Variants in LAD1 observed in about 807,000 individuals in gnomAD.
LAD1 encodes ladinin 1.
A neutral mutation model predicts 54.2 loss-of-function variants in LAD1; 53 were observed. The observed-to-expected ratio is 0.98, with a 90% confidence interval of 0.78 to 1.23. LAD1 has a LOEUF of 1.23. Ranked by LOEUF, LAD1 falls within the 50% of genes most tolerant of loss-of-function variation. LAD1 has a pLI of 0.00. For synonymous variants in LAD1, 231 were observed against 257.7 expected, an observed-to-expected ratio of 0.90 and a Z score of 0.99; for missense variants, 637 against 653.3, an observed-to-expected ratio of 0.98 and a Z score of 0.27.
Position 201,386,933 on chromosome 1 carries a change from C to A in LAD1, c.428G>T (p.Arg143Leu), listed in dbSNP as rs940181453. 2 of 1,612,424 alleles carry A rather than the reference C, an allele frequency of 1.2e-6. No individual in the cohort carries two copies. Among genetic ancestry groups the A allele is most frequent in the Non-Finnish European group, 8.5e-7 (1 of 1,179,602 alleles). ...VSKKELEIPP[R>L]RRLSREQRGP... is the part of the protein sequence containing the mutation. The stretch of plus-strand genomic sequence containing the variant: ...CCGCTGTTCCCGACTCAGTCTCCGG[C>A]GAGGTGGGATTTCCAGTTCCTTCTT... The change falls in exon 3 of 10, where the codon CGC becomes CTC. Residue 143 changes from arginine (R) to leucine (L), a missense_variant. Coordinates refer to ENST00000391967, the MANE Select transcript of LAD1 (RefSeq NM_005558.4).
Position 201,383,135 on chromosome 1 carries a change from C to T in LAD1, c.1325G>A (p.Arg442His), listed in dbSNP as rs199664903. 17 of 1,614,064 alleles carry T rather than the reference C, an allele frequency of 1.1e-5. No individual in the cohort carries two copies. In the East Asian group the frequency reaches 1.3e-4, roughly 13 times the overall value. Residue 442 changes from arginine to histidine, a missense_variant, in exon 7 of 10, where the codon CGC (arginine) becomes CAC (histidine). Coordinates refer to ENST00000391967, the MANE Select transcript of LAD1 (RefSeq NM_005558.4). ...FVAPVGVASKRHLFEKELAGQ... is the reference protein window; with the variant it reads ...FVAPVGVASKHHLFEKELAGQ... ...CGCCAGTTCCTTCTCAAAGAGGTGG[C>T]GCTTGCTGGCTACACCCACAGGAGC... is the stretch of plus-strand genomic sequence containing the variant.
chr1:201,382,432 A>G (rs2102354282), intron 8 of LAD1, 106 bp from the exon 9 acceptor site: 2 of 974,096 alleles, frequency 2.1e-6, no homozygotes, highest in Non-Finnish European at 3.3e-6. Context: ...TCTCTTCCCA[A>G]AAGAGAAAAG....
At chr1:201,395,016 G>A (rs1282037275) in intron 1 of LAD1, among the ~76,000 whole-genome samples, 1 of 152,160 alleles carries the variant, frequency 6.6e-6, no homozygotes, top group Non-Finnish European at 1.5e-5. Flanking sequence ...GGGTCTCCAG[G>A]GCTCAGCTGC....
intron 1 of LAD1, among the ~76,000 whole-genome samples, chr1:201,396,876 G>A (rs1220883274): frequency 2.0e-5 from 3 of 152,152 alleles, no homozygotes; most frequent in South Asian, 2.1e-4. Flanking sequence ...GTAGGAGGGC[G>A]GCTCAAGGCC....
At chr1:201,384,627 C>G (rs146641276) in intron 5 of LAD1, 165 bp downstream of exon 5, 53 of 700,394 alleles carry the variant, frequency 7.6e-5, no homozygotes, top group African/African-American at 4.3e-4. Flanking sequence ...TGAGTTCATC[C>G]TGTTAATCCC....
At chr1:201,384,494 C>CCCTTTT (rs1471515453) in intron 5 of LAD1, among the ~76,000 whole-genome samples, 1 of 152,100 alleles carries the variant, frequency 6.6e-6, no homozygotes, top group African/African-American at 2.4e-5. Context: ...CCCAGAAAGC[C>CCCTTTT]CCCTTTCCCT....
chr1:201,394,605 A>G (rs1234421211), intron 1 of LAD1, among the ~76,000 whole-genome samples: 1 of 152,186 alleles, frequency 6.6e-6, no homozygotes, highest in African/African-American at 2.4e-5. Context: ...TTCATTCACT[A>G]CACACAAACA....
In LAD1 at chr1:201,383,060, C is replaced by T. The variant is rs1346359261; in HGVS notation, c.1386+14G>A. The T allele has an allele frequency of 6.2e-7, 1 of 1,609,528 alleles. No individual in the cohort carries two copies. Among genetic ancestry groups the T allele is most frequent in the Admixed American group, 1.7e-5 (1 of 59,814 alleles). On this transcript the variant is annotated intron_variant, in intron 7 of 9. Coordinates refer to ENST00000391967, the MANE Select transcript of LAD1 (RefSeq NM_005558.4). ...TAATCACCCTAAGGACCCTGTGGGG[C>T]CTGAGCCCCTCACCTTCCGGCTGGA...
intron 5 of LAD1, chr1:201,383,593 G>T: frequency 1.6e-6 from 1 of 617,364 alleles, no homozygotes; most frequent in Admixed American, 2.6e-5. Context: ...TCCAAGAAAC[G>T]TCCCATTCAA....
At chr1:201,393,802 G>A (rs891477515) in intron 1 of LAD1, among the ~76,000 whole-genome samples, 5 of 147,928 alleles carry the variant, frequency 3.4e-5, no homozygotes, top group Admixed American at 6.7e-5. Context: ...CTCAAAGAAT[G>A]CTTTAAGTTA....
At chr1:201,384,684 C>T (rs1662038365) in intron 5 of LAD1, 108 bp downstream of exon 5, 6 of 1,117,324 alleles carry the variant, frequency 5.4e-6, no homozygotes, top group South Asian at 1.2e-5. Context: ...GCACCTTCCC[C>T]TCATGTGCCC....
chr1:201,389,568 T>A (rs1012366893), intron 1 of LAD1, among the ~76,000 whole-genome samples: 2 of 152,052 alleles, frequency 1.3e-5, no homozygotes, highest in Admixed American at 1.3e-4. Context: ...ATCCTAGCAC[T>A]TTAGGAGGCT....
intron 9 of LAD1, 105 bp from the exon 10 acceptor site, chr1:201,381,998 A>C (rs974717781): frequency 8.0e-7 from 1 of 1,246,634 alleles, no homozygotes; most frequent in African/African-American, 1.5e-5. Flanking sequence ...CCCCACACCC[A>C]CAAGGAGTCA....
At chr1:201,388,778 G>C (rs534374403) in intron 2 of LAD1, among the ~76,000 whole-genome samples, 7 of 152,228 alleles carry the variant, frequency 4.6e-5, no homozygotes, top group Non-Finnish European at 8.8e-5. Context: ...AGATCTGGAT[G>C]GACATTCTGG....
chr1:201,389,086 G>T, intron 2 of LAD1, 74 bp downstream of exon 2: 5 of 1,535,258 alleles, frequency 3.3e-6, no homozygotes, highest in Non-Finnish European at 4.4e-6. Flanking sequence ...TCCCTGAGCA[G>T]ACTGAATATG....
intron 2 of LAD1, among the ~76,000 whole-genome samples, chr1:201,387,625 T>C (rs1406747343): frequency 2.6e-5 from 4 of 152,130 alleles, no homozygotes; most frequent in Non-Finnish European, 5.9e-5. Flanking sequence ...GATGCACCAT[T>C]CCACACTCCT....
chr1:201,394,300 T>A (rs1445248409), intron 1 of LAD1, among the ~76,000 whole-genome samples: 3 of 152,198 alleles, frequency 2.0e-5, no homozygotes, highest in African/African-American at 7.2e-5. Flanking sequence ...TGCCCAGCTG[T>A]CTGCCCAGGG....
chr1:201,383,436 G>A, intron 5 of LAD1, 47 bp from the exon 6 acceptor site: 1 of 1,580,746 alleles, frequency 6.3e-7, no homozygotes, highest in Non-Finnish European at 8.7e-7. Flanking sequence ...GACACCCAGG[G>A]AGACCAGGCC....
chr1:201,383,668 T>G, intron 5 of LAD1: 1 of 462,342 alleles, frequency 2.2e-6, no homozygotes, highest in Non-Finnish European at 4.0e-6. Context: ...AAGCAGGTCC[T>G]TCCTTTCCGT....
Sources: gnomAD v4.1 joint callset for allele counts (sites outside exome capture counted in the v4.1 genomes callset) on GRCh38, gnomAD v4.1.1 for gene constraint, MANE v1.5 for transcripts, NCBI Gene and HGNC (gene_info 2026-07-23, HGNC 2026-07-21) for gene names.